PPP3R1: variants seen among roughly 807,000 people sequenced by gnomAD.
PPP3R1 encodes protein phosphatase 3 regulatory subunit B, alpha.
PPP3R1 carries 5 observed loss-of-function variants against 22.6 expected under a neutral mutation model. The ratio of observed to expected loss-of-function variants is 0.22; its 90% confidence interval spans 0.12 to 0.46. The LOEUF is 0.46. Among genes scored for constraint, PPP3R1 ranks in the 20% least tolerant of loss-of-function variants. PPP3R1 has a pLI of 0.99. For synonymous variants in PPP3R1, 56 were observed against 65.2 expected, an observed-to-expected ratio of 0.86 and a Z score of 0.68; for missense variants, 61 against 203.2, an observed-to-expected ratio of 0.30 and a Z score of 4.25.
chr2:68,198,286 T>G (rs960080103), intron 2 of PPP3R1, among the ~76,000 whole-genome samples: 2 of 139,810 alleles, frequency 1.4e-5, no homozygotes, highest in Non-Finnish European at 3.0e-5. Context: ...TGCATGTATG[T>G]GTATACACAT....
intron 2 of PPP3R1, among the ~76,000 whole-genome samples, chr2:68,195,171 T>C (rs1352864349): frequency 1.3e-5 from 2 of 152,180 alleles, no homozygotes; most frequent in Non-Finnish European, 2.9e-5. Flanking sequence ...CTATTATCTT[T>C]GTAACTTTTT....
At chr2:68,207,364 A>G (rs893736788) in intron 2 of PPP3R1, among the ~76,000 whole-genome samples, 1 of 152,200 alleles carries the variant, frequency 6.6e-6, no homozygotes, top group Non-Finnish European at 1.5e-5. Flanking sequence ...CAACAGTTTA[A>G]TCAAAGTATT....
intron 1 of PPP3R1, chr2:68,250,893 T>A (rs1471640326): frequency 2.6e-5 from 4 of 152,228 alleles, no homozygotes; most frequent in African/African-American, 9.7e-5. Flanking sequence ...AGCAACAGCA[T>A]TCCTCCCTTC....
intron 1 of PPP3R1, among the ~76,000 whole-genome samples, chr2:68,234,767 C>A (rs1414521869): frequency 6.6e-6 from 1 of 152,032 alleles, no homozygotes; most frequent in Non-Finnish European, 1.5e-5. Flanking sequence ...AATTTAAAAA[C>A]ATATATAATA....
chr2:68,238,801 A>G (rs1020686761), intron 1 of PPP3R1, among the ~76,000 whole-genome samples: 1 of 152,192 alleles, frequency 6.6e-6, no homozygotes, highest in African/African-American at 2.4e-5. Context: ...GGGGATCTAA[A>G]TGAAAAGACA....
At chr2:68,205,242 C>CTT (rs397984912) in intron 2 of PPP3R1, among the ~76,000 whole-genome samples, 40,639 of 123,502 alleles carry the variant, frequency 0.33, 7,694 homozygotes, top group South Asian at 0.57. Flanking sequence ...TCAGTATTAT[C>CTT]TTTTTTTTTT....
chr2:68,241,843 CAAAAA>C (rs35587118), intron 1 of PPP3R1, among the ~76,000 whole-genome samples: 1 of 92,698 alleles, frequency 1.1e-5, no homozygotes, highest in African/African-American at 3.8e-5. Context: ...GACTCCATCT[CAAAAA>C]AAAAAAAAAA....
At chr2:68,234,832 T>G (rs1253641407) in intron 1 of PPP3R1, among the ~76,000 whole-genome samples, 2 of 152,204 alleles carry the variant, frequency 1.3e-5, no homozygotes, top group Non-Finnish European at 2.9e-5. Flanking sequence ...TAATTATAAT[T>G]GAGAAAGTAA....
At chr2:68,225,393 A>G (rs915463356) in intron 1 of PPP3R1, among the ~76,000 whole-genome samples, 1 of 152,204 alleles carries the variant, frequency 6.6e-6, no homozygotes, top group Non-Finnish European at 1.5e-5. Flanking sequence ...CCTGACGGGG[A>G]TAAGAGTGAC....
intron 1 of PPP3R1, among the ~76,000 whole-genome samples, chr2:68,222,059 G>A (rs1261294498): frequency 1.3e-5 from 2 of 151,736 alleles, no homozygotes; most frequent in African/African-American, 4.8e-5. Flanking sequence ...TATCAGAAAT[G>A]GTAAATAAAA....
rs1484655649 is a variant in PPP3R1, at chr2:68,179,638, G to A, written c.*1325C>T. 5 of 152,072 alleles carry A rather than the reference G, an allele frequency of 3.3e-5. No individual in the cohort carries two copies. The highest frequency in any genetic ancestry group is 3.3e-4 in the Admixed American group (5 of 15,280). 9.4% of individuals were successfully genotyped at this position (152,072 alleles called of 1,614,324 possible). ...TTTTCTTCCAGCTAACAGTACCTTT[G>A]CAGAAATGGGAAGGGATAAGATCAA... is the stretch of plus-strand genomic sequence containing the variant. On this transcript the variant is annotated 3_prime_UTR_variant, in exon 6 of 6. Coordinates refer to ENST00000234310, the MANE Select transcript of PPP3R1 (RefSeq NM_000945.4).
At chr2:68,228,736 A>C (rs940512512) in intron 1 of PPP3R1, among the ~76,000 whole-genome samples, 1 of 151,586 alleles carries the variant, frequency 6.6e-6, no homozygotes, top group African/African-American at 2.4e-5. Context: ...TAGATTATTG[A>C]TTTGAGGGGG....
chr2:68,221,212 TC>T (rs1200854066), intron 1 of PPP3R1, among the ~76,000 whole-genome samples: 2 of 152,098 alleles, frequency 1.3e-5, no homozygotes, highest in Non-Finnish European at 2.9e-5. Context: ...GTGCCTGTAA[TC>T]CCAGCTACTC....
At chr2:68,224,082 T>C (rs1376775364) in intron 1 of PPP3R1, among the ~76,000 whole-genome samples, 1 of 152,122 alleles carries the variant, frequency 6.6e-6, no homozygotes, top group Non-Finnish European at 1.5e-5. Context: ...TAATAAGAGA[T>C]GTGCAGGGAG....
At chr2:68,203,422 T>A (rs1035225861) in intron 2 of PPP3R1, among the ~76,000 whole-genome samples, 4 of 152,080 alleles carry the variant, frequency 2.6e-5, no homozygotes, top group Non-Finnish European at 5.9e-5. Flanking sequence ...ACCAACATGG[T>A]GAAACCTTGT....
At chr2:68,185,756 G>T (rs1240311283) in intron 5 of PPP3R1, among the ~76,000 whole-genome samples, 1 of 151,984 alleles carries the variant, frequency 6.6e-6, no homozygotes, top group Admixed American at 6.6e-5. Context: ...CCCCCTGGGG[G>T]TAGTTCAGTG....
At chr2:68,251,912 G>C (rs868644869) in intron 1 of PPP3R1, among the ~76,000 whole-genome samples, 1 of 146,430 alleles carries the variant, frequency 6.8e-6, no homozygotes, top group African/African-American at 2.5e-5. Context: ...CAGAGGCCGG[G>C]GGCGGGCGCG....
chr2:68,218,953 G>A (rs1361437676), intron 1 of PPP3R1, among the ~76,000 whole-genome samples: 2 of 151,982 alleles, frequency 1.3e-5, no homozygotes, highest in Admixed American at 1.3e-4. Context: ...AACCAGTCCA[G>A]GGCTCCTAAG....
At chr2:68,181,047 C>T (rs1674388827) in intron 5 of PPP3R1, 37 bp from the exon 6 acceptor site, 1 of 1,583,936 alleles carries the variant, frequency 6.3e-7, no homozygotes. Flanking sequence ...TTCACAGTGT[C>T]TGAGAAACTC....
Sources: gnomAD v4.1 joint callset for allele counts (sites outside exome capture counted in the v4.1 genomes callset) on GRCh38, gnomAD v4.1.1 for gene constraint, MANE v1.5 for transcripts, NCBI Gene and HGNC (gene_info 2026-07-23, HGNC 2026-07-21) for gene names.